CEP152: variants seen among roughly 807,000 people sequenced by gnomAD.
CEP152 encodes the protein centrosomal protein 152.
A neutral mutation model predicts 188.9 loss-of-function variants in CEP152; 132 were observed. That is an observed-to-expected ratio of 0.70 (90% CI 0.61 to 0.81). The LOEUF is 0.81. Ranked by LOEUF, CEP152 falls within the 30% of genes least tolerant of loss-of-function variation. The pLI, the probability that CEP152 is intolerant of heterozygous loss-of-function variation, is 0.00. For synonymous variants in CEP152, 649 were observed against 666.6 expected (o/e 0.97, Z 0.41); for missense variants, 1,914 against 1,969.8 (o/e 0.97, Z 0.54).
At chr15:48,767,581 A>T in intron 15 of CEP152, 118 bp from the exon 16 acceptor site, 1 of 1,374,232 alleles carries the variant, frequency 7.3e-7, no homozygotes, top group Non-Finnish European at 1.0e-6. Flanking sequence ...TTGAGGTCAG[A>T]TAACTTTTCC....
At chr15:48,753,976 G>C (rs1464988665) in intron 20 of CEP152, among the ~76,000 whole-genome samples, 1 of 151,976 alleles carries the variant, frequency 6.6e-6, no homozygotes, top group Non-Finnish European at 1.5e-5. Flanking sequence ...TTTAAAACTA[G>C]AGAGTTAATA....
downstream of CEP152, among the ~76,000 whole-genome samples, chr15:48,733,878 A>T (rs1199460995): frequency 6.6e-6 from 1 of 152,206 alleles, no homozygotes; most frequent in Non-Finnish European, 1.5e-5. Context: ...GGAGGAAAAA[A>T]GTCAACCGAG....
At chr15:48,736,004 C>T (rs539517833), downstream of CEP152, among the ~76,000 whole-genome samples, 1 of 152,248 alleles carries the variant, frequency 6.6e-6, no homozygotes, top group East Asian at 1.9e-4. Flanking sequence ...TATGAGAATA[C>T]TATGGCTAAC....
intron 11 of CEP152, 87 bp downstream of exon 11, chr15:48,782,052 T>C (rs1896285789): frequency 6.4e-6 from 8 of 1,246,924 alleles, no homozygotes; most frequent in Non-Finnish European, 9.3e-6. Flanking sequence ...ACCTCTATTA[T>C]ACAGAGAAAC....
chr15:48,762,942 C>T (rs906475831), intron 17 of CEP152, among the ~76,000 whole-genome samples: 1 of 151,610 alleles, frequency 6.6e-6, no homozygotes, highest in African/African-American at 2.4e-5. Flanking sequence ...TCTTAATATC[C>T]AACCTTCTGG....
At chr15:48,746,730 A>G (rs1218809697) in intron 22 of CEP152, among the ~76,000 whole-genome samples, 1 of 152,134 alleles carries the variant, frequency 6.6e-6, no homozygotes. Flanking sequence ...CCTTATTGCT[A>G]TAAAGACTAC....
chr15:48,785,918 AAAGAGAGAG>A (rs1386625746), intron 9 of CEP152, among the ~76,000 whole-genome samples: 80 of 142,308 alleles, frequency 5.6e-4, no homozygotes, highest in African/African-American at 1.8e-3. Flanking sequence ...AAAAAAAAAA[AAAGAGAGAG>A]AGAGAGAGAG....
chr15:48,756,238 G>A lies in CEP152; in HGVS notation c.3010C>T (p.Gln1004Ter). ...TTCTGAAGAAGTAGTTCAGTTTTTT[G>A]TTTCATAAAGTCTTCTTTAGCTGCC... ...LAAAKEDFMKQKTELLLQKET... is the reference protein window; with the variant it reads ...LAAAKEDFMK Residue 1004 changes from glutamine (Q) to a stop codon, truncating the protein, a stop_gained, in exon 20 of 27, where the codon CAA becomes TAA. Coordinates refer to ENST00000380950, the MANE Select transcript of CEP152 (RefSeq NM_001194998.2). LOFTEE classifies it high-confidence loss of function. The A allele has an allele frequency of 1.9e-6, 3 of 1,608,690 alleles. No individual in the cohort carries two copies. The highest frequency in any genetic ancestry group is 2.5e-6 in the Non-Finnish European group (3 of 1,177,196).
In CEP152 at chr15:48,762,435, C is replaced by T. The variant is rs544161048; in HGVS notation, c.2518G>A (p.Glu840Lys). The change falls in exon 18 of 27, where the codon GAA becomes AAA. Residue 840 changes from glutamate to lysine, a missense_variant. By Grantham distance (56) the Glu-to-Lys change is moderately conservative. Transcript: ENST00000380950. ...IAIKGAMKKL[E>K]IELELKHCEN... ...CAATGTTTGAGTTCCAATTCAATTT[C>T]GAGTTTCTTCATAGCCCCCTTGATG... is the stretch of plus-strand genomic sequence containing the variant. 660 of 1,614,042 alleles carry T rather than the reference C, an allele frequency of 4.1e-4. 10 individuals are homozygous for T. The South Asian group carries it at 6.6e-3, about 16-fold the overall frequency.
At chr15:48,808,445 C>T (rs1243212358) in intron 1 of CEP152, among the ~76,000 whole-genome samples, 1 of 151,852 alleles carries the variant, frequency 6.6e-6, no homozygotes, top group African/African-American at 2.4e-5. Context: ...TTGCAAAGCA[C>T]CTGACAAAGT....
intron 2 of CEP152, among the ~76,000 whole-genome samples, chr15:48,732,227 T>G (rs1358020230): frequency 2.6e-5 from 4 of 152,222 alleles, no homozygotes; most frequent in Admixed American, 6.5e-5. Context: ...TAAATACACA[T>G]GCACACGTAT....
intron 13 of CEP152, among the ~76,000 whole-genome samples, chr15:48,770,322 T>G (rs1895440957): frequency 6.6e-6 from 1 of 152,018 alleles, no homozygotes; most frequent in Admixed American, 6.5e-5. Context: ...CTACCGAGAA[T>G]TCACTATGGC....
chr15:48,732,183 GTATA>G (rs1427908781), intron 2 of CEP152, among the ~76,000 whole-genome samples: 1 of 152,178 alleles, frequency 6.6e-6, no homozygotes, highest in Non-Finnish European at 1.5e-5. Flanking sequence ...CCATTACTGG[GTATA>G]TAGTCAAAGG....
chr15:48,810,348 A>G (rs1595714873), intron 1 of CEP152: 1 of 152,360 alleles, frequency 6.6e-6, no homozygotes, highest in Non-Finnish European at 1.5e-5. Flanking sequence ...AAGATTACAA[A>G]GTTTAACAGG....
At position 48,809,077 on chromosome 15, in the gene CEP152, A is replaced by T. The variant is rs201588095; in HGVS notation, c.-8+1884T>A. Among the ~76,000 whole-genome samples the T allele has an allele frequency of 5.3e-5, 8 of 152,308 alleles. No individual in the cohort carries two copies. The East Asian group carries it at 1.5e-3, about 29-fold the overall frequency. The stretch of plus-strand genomic sequence containing the variant: ...GGTTGTTTTCTCTGCCCTCCTTGCA[A>T]CAAAAGCAATGGGTATTTGGACAAA... On this transcript the variant is annotated intron_variant, in intron 1 of 26. Coordinates refer to ENST00000380950, the MANE Select transcript of CEP152 (RefSeq NM_001194998.2).
At chr15:48,797,785 T>G in intron 3 of CEP152, 55 bp from the exon 4 acceptor site, 1 of 1,588,754 alleles carries the variant, frequency 6.3e-7, no homozygotes, top group Non-Finnish European at 8.6e-7. Context: ...TGTACATAGA[T>G]AACACAAAGA....
chr15:48,756,826 A>G (rs1894315017), intron 19 of CEP152, among the ~76,000 whole-genome samples: 1 of 152,180 alleles, frequency 6.6e-6, no homozygotes. Context: ...GTGAGAAAAA[A>G]TTTCATATTA....
chr15:48,769,027 T>C lies in CEP152; in HGVS notation c.1837A>G (p.Thr613Ala). 1 of 1,602,852 alleles carries C rather than the reference T, an allele frequency of 6.2e-7. No individual in the cohort carries two copies. The highest frequency in any genetic ancestry group is 8.5e-7 in the Non-Finnish European group (1 of 1,170,378). Residue 613 changes from threonine (T) to alanine (A), a missense_variant, in exon 14 of 27, where the codon ACT becomes GCT. Physicochemically the swap from Thr to Ala is moderately conservative, Grantham distance 58 (BLOSUM62 0). Coordinates refer to ENST00000380950, the MANE Select transcript of CEP152 (RefSeq NM_001194998.2). ...ATATCATCTCTGACAACATCAGAAG[T>C]AGAAGACTCAGGCCATAATTGATTC... The part of the protein sequence containing the change: ...PKNQLWPESS[T>A]SDVVRDDILL...
chr15:48,737,783 G>C (rs1317698841), downstream of CEP152, among the ~76,000 whole-genome samples: 1 of 152,148 alleles, frequency 6.6e-6, no homozygotes, highest in South Asian at 2.1e-4. Flanking sequence ...TGTAGATTAA[G>C]TTCATAGCCT....
Sources: gnomAD v4.1 joint callset for allele counts (sites outside exome capture counted in the v4.1 genomes callset) on GRCh38, gnomAD v4.1.1 for gene constraint, MANE v1.5 for transcripts, NCBI Gene and HGNC (gene_info 2026-07-23, HGNC 2026-07-21) for gene names.